PLXNA4: variants seen among roughly 807,000 people sequenced by gnomAD.
PLXNA4 encodes the protein plexin-A4.
PLXNA4 carries 44 observed loss-of-function variants against 191.8 expected under a neutral mutation model. That is an observed-to-expected ratio of 0.23 (90% CI 0.18 to 0.29). The LOEUF (loss-of-function observed/expected upper bound fraction) is 0.29, where lower values mean the gene tolerates loss of function less well. PLXNA4 is among the 10% of genes least tolerant of loss of function. The probability of loss-of-function intolerance (pLI) is 1.00; values close to 1 mark genes in which losing one functional copy is unlikely to be tolerated. For missense variants in PLXNA4, 1,800 were observed against 2,488.8 expected (o/e 0.72, Z 5.89); for synonymous variants, 1,082 against 1,009.5 (o/e 1.07, Z -1.36).
Position 132,226,260 on chromosome 7 carries a change from C to T in PLXNA4, c.1883G>A (p.Gly628Glu). The change falls in exon 8 of 32, where the codon GGG becomes GAG. Residue 628 changes from glycine (G) to glutamate (E), a missense_variant and splice_region_variant. Physicochemically the swap from Gly to Glu is moderately conservative, Grantham distance 98. Coordinates refer to ENST00000321063, the MANE Select transcript of PLXNA4 (RefSeq NM_020911.2). ...KEVPRIITEN[G>E]DHHVVQLQLK... ...CTGAAGCTGTACGACATGGTGGTCC[C>T]CTACAAGGAGAGATGGCTGAGGGGT... 1 of 1,612,778 alleles carries T rather than the reference C, an allele frequency of 6.2e-7. No homozygotes were observed. Among genetic ancestry groups the T allele is most frequent in the Non-Finnish European group, 8.5e-7 (1 of 1,179,340 alleles).
intron 2 of PLXNA4, among the ~76,000 whole-genome samples, chr7:132,491,065 C>T (rs556102241): frequency 1.8e-4 from 28 of 152,218 alleles, no homozygotes; most frequent in Non-Finnish European, 3.2e-4. Flanking sequence ...AATTTTCCAC[C>T]GTGTCTTGGA....
At chr7:132,251,087 T>C (rs1799233193) in intron 4 of PLXNA4, among the ~76,000 whole-genome samples, 1 of 136,716 alleles carries the variant, frequency 7.3e-6, no homozygotes, top group Non-Finnish European at 1.5e-5. Flanking sequence ...GTACATTGGG[T>C]ATTTTATTAG....
intron 3 of PLXNA4, among the ~76,000 whole-genome samples, chr7:132,423,672 G>C (rs1418950726): frequency 6.6e-6 from 1 of 152,116 alleles, no homozygotes; most frequent in Non-Finnish European, 1.5e-5. Context: ...TTCCACAACA[G>C]CACAGGGTTT....
At chr7:132,429,555 T>A (rs148305693) in intron 3 of PLXNA4, among the ~76,000 whole-genome samples, 1 of 152,214 alleles carries the variant, frequency 6.6e-6, no homozygotes, top group African/African-American at 2.4e-5. Flanking sequence ...AACTTGAATT[T>A]CATATTATTT....
intron 5 of PLXNA4, among the ~76,000 whole-genome samples, chr7:132,232,631 G>A (rs1160752914): frequency 6.6e-6 from 1 of 152,168 alleles, no homozygotes; most frequent in East Asian, 1.9e-4. Context: ...TCAAGCCAGT[G>A]GTTCCAATGA....
intron 1 of PLXNA4, among the ~76,000 whole-genome samples, chr7:132,540,385 T>C (rs1800018034): frequency 6.6e-6 from 1 of 152,114 alleles, no homozygotes; most frequent in African/African-American, 2.4e-5. Flanking sequence ...TCATTTAACA[T>C]GCAATTGCTT....
intron 9 of PLXNA4, among the ~76,000 whole-genome samples, chr7:132,216,782 C>T (rs1432023015): frequency 6.6e-6 from 1 of 152,214 alleles, no homozygotes; most frequent in African/African-American, 2.4e-5. Context: ...AGTATTTTCA[C>T]CCAATCACCG....
chr7:132,457,286 T>C (rs747777609), intron 3 of PLXNA4, among the ~76,000 whole-genome samples: 1 of 152,218 alleles, frequency 6.6e-6, no homozygotes, highest in Non-Finnish European at 1.5e-5. Flanking sequence ...CAATCCAAGA[T>C]CCCACACTGC....
chr7:132,366,663 G>A (rs1427196925), intron 3 of PLXNA4, among the ~76,000 whole-genome samples: 1 of 152,234 alleles, frequency 6.6e-6, no homozygotes, highest in East Asian at 1.9e-4. Context: ...AGACATTCCA[G>A]CAAAGGGCCA....
intron 3 of PLXNA4, among the ~76,000 whole-genome samples, chr7:132,352,583 C>A (rs1167581263): frequency 6.6e-6 from 1 of 152,158 alleles, no homozygotes; most frequent in East Asian, 1.9e-4. Flanking sequence ...CCCTCAGGGG[C>A]ACGTGGTAGA....
intron 4 of PLXNA4, among the ~76,000 whole-genome samples, chr7:132,261,068 C>T (rs1388863076): frequency 6.6e-6 from 1 of 152,160 alleles, no homozygotes; most frequent in African/African-American, 2.4e-5. Context: ...AGTTAGAAAA[C>T]AGGCAGTATA....
intron 3 of PLXNA4, among the ~76,000 whole-genome samples, chr7:132,314,950 T>C (rs925599344): frequency 1.3e-5 from 2 of 152,230 alleles, no homozygotes; most frequent in African/African-American, 2.4e-5. Context: ...TCCAATGGAC[T>C]GCAAGCATTT....
At chr7:132,584,592 T>C (rs1041551584) in intron 2 of PLXNA4, among the ~76,000 whole-genome samples, 1 of 152,228 alleles carries the variant, frequency 6.6e-6, no homozygotes, top group African/African-American at 2.4e-5. Context: ...TATGCTGCTC[T>C]GAAAAACAAC....
chr7:132,520,042 A>C (rs2116353929), intron 1 of PLXNA4, among the ~76,000 whole-genome samples: 1 of 152,328 alleles, frequency 6.6e-6, no homozygotes, highest in Middle Eastern at 3.4e-3. Flanking sequence ...GTGGAGGTGC[A>C]GGGCAGAGCC....
chr7:132,315,253 T>C (rs925113758), intron 3 of PLXNA4, among the ~76,000 whole-genome samples: 2 of 152,190 alleles, frequency 1.3e-5, no homozygotes, highest in African/African-American at 2.4e-5. Context: ...TTGCTGAACA[T>C]GAGTTGAGCA....
At chr7:132,382,232 G>A (rs973128707) in intron 3 of PLXNA4, among the ~76,000 whole-genome samples, 5 of 152,160 alleles carry the variant, frequency 3.3e-5, no homozygotes, top group Non-Finnish European at 5.9e-5. Context: ...CAGGAAGAGG[G>A]TTAAGAGCAC....
chr7:132,238,383 T>G (rs1306869282), intron 5 of PLXNA4, among the ~76,000 whole-genome samples: 1 of 152,174 alleles, frequency 6.6e-6, no homozygotes, highest in Non-Finnish European at 1.5e-5. Flanking sequence ...ATCTACCATG[T>G]GCAATGAGAA....
At chr7:132,161,581 A>G (rs951399764) in intron 24 of PLXNA4, among the ~76,000 whole-genome samples, 13 of 152,178 alleles carry the variant, frequency 8.5e-5, no homozygotes, top group African/African-American at 3.1e-4. Flanking sequence ...GCATTTTTCC[A>G]GGTTCCCAGG....
chr7:132,400,795 G>A (rs1468400388), intron 3 of PLXNA4, among the ~76,000 whole-genome samples: 1 of 152,210 alleles, frequency 6.6e-6, no homozygotes, highest in Non-Finnish European at 1.5e-5. Context: ...GCTTGTGGGA[G>A]ACTGCAGGCT....
Sources: allele counts gnomAD v4.1 joint callset (sites outside exome capture counted in the v4.1 genomes callset), GRCh38; gene constraint gnomAD v4.1.1; transcripts MANE v1.5; gene names NCBI Gene and HGNC (gene_info 2026-07-23, HGNC 2026-07-21).